The following HIP1 variants were observed in gnomAD, a reference collection of about 807,000 sequenced individuals.
HIP1 encodes the protein huntingtin-interacting protein 1.
Under a neutral mutation model 147.6 loss-of-function variants are expected in HIP1, and 65 were observed. The observed-to-expected ratio is 0.44, with a 90% CI of 0.36 to 0.54. The LOEUF is 0.54. HIP1 is among the 20% of genes least tolerant of loss of function. HIP1 has a pLI of 0.00. For missense variants in HIP1, 1,061 were observed against 1,299.6 expected (o/e 0.82, Z 2.82); for synonymous variants, 479 against 504.0 (o/e 0.95, Z 0.67).
At chr7:75,732,849 G>A (rs1554523204) in intron 1 of HIP1, among the ~76,000 whole-genome samples, 1 of 152,140 alleles carries the variant, frequency 6.6e-6, no homozygotes, top group Non-Finnish European at 1.5e-5. Context: ...TCTGGGTGGT[G>A]CCCAACATCC....
At chr7:75,678,922 G>A (rs1351516776) in intron 1 of HIP1, among the ~76,000 whole-genome samples, 1 of 152,164 alleles carries the variant, frequency 6.6e-6, no homozygotes, top group Non-Finnish European at 1.5e-5. Flanking sequence ...GAAGGTAATA[G>A]TAGCCTAAAA....
Position 75,586,747 on chromosome 7 carries a change from A to T in HIP1, c.465+6T>A. 1 of 1,596,122 alleles carries T rather than the reference A, an allele frequency of 6.3e-7. No individual in the cohort carries two copies. The highest frequency in any genetic ancestry group is 8.6e-7 in the Non-Finnish European group (1 of 1,164,042). The stretch of plus-strand genomic sequence containing the variant: ...GGTGGCGGCAGAACTGTCCGCAGAG[A>T]CTCACTTTGGTGTGGTACTCCATCT... On this transcript the variant is annotated splice_donor_region_variant and intron_variant, in intron 5 of 30. Coordinates refer to ENST00000336926, the MANE Select transcript of HIP1 (RefSeq NM_005338.7).
At chr7:75,552,452 C>T (rs587678012) in intron 22 of HIP1, among the ~76,000 whole-genome samples, 24 of 150,528 alleles carry the variant, frequency 1.6e-4, no homozygotes, top group African/African-American at 5.4e-4. Flanking sequence ...TGGGCTCAAG[C>T]GATCCTCCTG....
chr7:75,632,745 GCGCAAATGGACTATGCAACTGAC>G (rs1337741919), intron 1 of HIP1, among the ~76,000 whole-genome samples: 1 of 152,000 alleles, frequency 6.6e-6, no homozygotes, highest in African/African-American at 2.4e-5. Context: ...TGTTAAAGCA[GCGCAAATGGACTATGCAACTGAC>G]CGTAGTAAAA....
intron 1 of HIP1, among the ~76,000 whole-genome samples, chr7:75,690,266 T>A: frequency 9.1e-6 from 1 of 110,420 alleles, no homozygotes. Flanking sequence ...AGAGTGAGAC[T>A]TTGTCACACA....
At chr7:75,588,839 G>C (rs978034290) in intron 4 of HIP1, among the ~76,000 whole-genome samples, 158 of 151,982 alleles carry the variant, frequency 1.0e-3, no homozygotes, top group African/African-American at 3.5e-3. Context: ...TAAATAAATA[G>C]AACTTCAAGA....
chr7:75,616,104 A>AAAAAAAAAG (rs1797650481), intron 1 of HIP1, among the ~76,000 whole-genome samples: 1 of 150,166 alleles, frequency 6.7e-6, no homozygotes, highest in African/African-American at 2.4e-5. Flanking sequence ...AAAAAAAAAA[A>AAAAAAAAAG]AAGAAAAGAT....
In HIP1 at chr7:75,542,852, T is replaced by C. The variant is rs1794387190; in HGVS notation, c.2889A>G (p.Thr963=). 6.2e-7 allele frequency: 1 copy of C among 1,614,058 alleles called. No homozygotes were observed. The highest frequency in any genetic ancestry group is 8.5e-7 in the Non-Finnish European group (1 of 1,179,972). ...TISGKSQIEE[T]DNMDFSSMTL... ...AAAGGGTCCCTTTGGAAAGGCTACC[T>C]GTCTCTTCGATCTGTGATTTGCCGG... Residue 963 remains threonine, a splice_region_variant and synonymous_variant, in exon 28 of 31, where the codon ACA becomes ACG. Transcript: ENST00000336926.
At chr7:75,543,911 G>A (rs1036420326) in intron 27 of HIP1, among the ~76,000 whole-genome samples, 2 of 152,128 alleles carry the variant, frequency 1.3e-5, no homozygotes, top group Non-Finnish European at 2.9e-5. Flanking sequence ...GGTGGCTCAC[G>A]CCTGTAATCC....
At chr7:75,681,062 C>T (rs755193228) in intron 1 of HIP1, among the ~76,000 whole-genome samples, 31 of 152,238 alleles carry the variant, frequency 2.0e-4, no homozygotes, top group Non-Finnish European at 2.5e-4. Flanking sequence ...GGGCATGAGC[C>T]ACAGTGCCCA....
chr7:75,568,757 C>T lies in HIP1; in HGVS notation c.746-501G>A, dbSNP rs1178893281. On this transcript the variant is annotated intron_variant, in intron 8 of 30. Transcript: ENST00000336926. The surrounding 1 kb of genome is among the most constrained non-coding windows in gnomAD (Gnocchi z 4.1). ...GGTGCAGTGGCTCACGCATGTAATC[C>T]CAGCACTTTGGGAGGCTGAGGCAGG... 6.6e-6 allele frequency among the ~76,000 whole-genome samples: 1 copy of T among 152,182 alleles called. No homozygotes were observed. Among genetic ancestry groups the T allele is most frequent in the Non-Finnish European group, 1.5e-5 (1 of 68,036 alleles).
intron 1 of HIP1, among the ~76,000 whole-genome samples, chr7:75,633,574 G>T (rs1798313387): frequency 6.6e-6 from 1 of 152,158 alleles, no homozygotes; most frequent in South Asian, 2.1e-4. Context: ...TTACAAGCGT[G>T]AGCCACCGCG....
At chr7:75,638,356 C>G (rs990206339) in intron 1 of HIP1, among the ~76,000 whole-genome samples, 9 of 151,746 alleles carry the variant, frequency 5.9e-5, no homozygotes, top group Non-Finnish European at 1.0e-4. Context: ...GCAATGATTT[C>G]TTCAAGATCC....
At chr7:75,708,352 C>G (rs556899681) in intron 1 of HIP1, among the ~76,000 whole-genome samples, 5 of 152,248 alleles carry the variant, frequency 3.3e-5, no homozygotes, top group African/African-American at 1.2e-4. Context: ...TGTTAATTTT[C>G]ATGAAGTCCA....
intron 1 of HIP1, among the ~76,000 whole-genome samples, chr7:75,635,542 C>CACT (rs1301070499): frequency 1.4e-5 from 2 of 142,426 alleles, no homozygotes; most frequent in Non-Finnish European, 3.0e-5. Flanking sequence ...CGTGCCACTG[C>CACT]ACTCCAGCCT....
At chr7:75,623,946 T>C (rs1554507600) in intron 1 of HIP1, among the ~76,000 whole-genome samples, 1 of 152,070 alleles carries the variant, frequency 6.6e-6, no homozygotes, top group Non-Finnish European at 1.5e-5. Flanking sequence ...CCTATAGTCA[T>C]AGCTACATAG....
chr7:75,661,679 A>T (rs1799321652), intron 1 of HIP1, among the ~76,000 whole-genome samples: 2 of 151,370 alleles, frequency 1.3e-5, no homozygotes, highest in Non-Finnish European at 2.9e-5. Context: ...ATCCCCAAGG[A>T]TGCGAAGCAG....
chr7:75,583,714 C>T (rs1796141811), intron 5 of HIP1, among the ~76,000 whole-genome samples: 1 of 150,888 alleles, frequency 6.6e-6, no homozygotes, highest in Non-Finnish European at 1.5e-5. Context: ...TCAGCCTCCT[C>T]AGTAGCTGGT....
At chr7:75,682,960 T>C (rs1800140218) in intron 1 of HIP1, among the ~76,000 whole-genome samples, 1 of 151,806 alleles carries the variant, frequency 6.6e-6, no homozygotes, top group South Asian at 2.1e-4. Context: ...TTAAATTACC[T>C]GCAAGAGGTA....
Sources: gnomAD v4.1 joint callset for allele counts (sites outside exome capture counted in the v4.1 genomes callset) on GRCh38, gnomAD v4.1.1 for gene constraint, Gnocchi (gnomAD v3.1) non-coding constraint, MANE v1.5 for transcripts, NCBI Gene and HGNC (gene_info 2026-07-23, HGNC 2026-07-21) for gene names.